The following FBN2 variants were observed in gnomAD, a reference collection of about 807,000 sequenced individuals.
FBN2 encodes the protein fibrillin 2.
FBN2 carries 105 observed loss-of-function variants against 355.6 expected under a neutral mutation model. That is an observed-to-expected ratio of 0.30 (90% CI 0.25 to 0.35). The LOEUF is 0.35. FBN2 is among the 10% of genes least tolerant of loss of function. The pLI, the probability that FBN2 is intolerant of heterozygous loss-of-function variation, is 1.00. For synonymous variants in FBN2, 1,350 were observed against 1,301.2 expected (o/e 1.04, Z -0.81); for missense variants, 3,280 against 3,758.7 (o/e 0.87, Z 3.33).
rs759357906 is a variant in FBN2 at position 128,286,805 on chromosome 5, C to T, written c.6925G>A (p.Gly2309Ser). 6.2e-7 allele frequency: 1 copy of T among 1,614,006 alleles called. No homozygotes were observed. The highest frequency in any genetic ancestry group is 8.5e-7 in the Non-Finnish European group (1 of 1,179,862). ...CCGATTAGATTCTTACACATCATGCCCCTAGATTCACAGTCGTGTAACCCT... is the reference window on the plus strand; with the variant it reads ...CCGATTAGATTCTTACACATCATGCTCCTAGATTCACAGTCGTGTAACCCT... ...AEGLHDCESR[G>S]MMCKNLIGTF... is the part of the protein sequence containing the mutation. The change falls in exon 55 of 65, where the codon GGC becomes AGC. Residue 2309 changes from glycine (G) to serine (S), a missense_variant. Gly to Ser is a moderately conservative substitution (Grantham distance 56). Coordinates refer to ENST00000262464, the MANE Select transcript of FBN2 (RefSeq NM_001999.4).
At chr5:128,436,664 C>G (rs1753774293) in intron 7 of FBN2, among the ~76,000 whole-genome samples, 1 of 137,014 alleles carries the variant, frequency 7.3e-6, no homozygotes, top group Non-Finnish European at 1.6e-5. Context: ...AGTGGCTCCA[C>G]TTAAAAAAAA....
intron 5 of FBN2, among the ~76,000 whole-genome samples, chr5:128,475,674 C>T (rs147313143): frequency 7.0e-4 from 106 of 152,034 alleles, no homozygotes; most frequent in African/African-American, 2.2e-3. Flanking sequence ...ATATACTCAA[C>T]GAAAAAGCTT....
At chr5:128,536,226 A>G (rs1756841861) in intron 2 of FBN2, among the ~76,000 whole-genome samples, 176 bp downstream of exon 2, 1 of 152,166 alleles carries the variant, frequency 6.6e-6, no homozygotes, top group African/African-American at 2.4e-5. Flanking sequence ...GTCTGAACTG[A>G]CTCAAACCGG....
intron 8 of FBN2, among the ~76,000 whole-genome samples, chr5:128,408,377 A>G (rs191096098): frequency 2.3e-3 from 354 of 152,346 alleles, no homozygotes; most frequent in Non-Finnish European, 3.8e-3. Flanking sequence ...AGAAGCTTTA[A>G]TTACTACATT....
intron 58 of FBN2, among the ~76,000 whole-genome samples, chr5:128,277,042 G>A (rs1187607387): frequency 6.6e-6 from 1 of 152,156 alleles, no homozygotes; most frequent in Non-Finnish European, 1.5e-5. Flanking sequence ...AATGCTGAAT[G>A]CTTATGATTA....
At chr5:128,462,262 G>T (rs562067824) in intron 6 of FBN2, among the ~76,000 whole-genome samples, 9 of 151,746 alleles carry the variant, frequency 5.9e-5, no homozygotes, top group Admixed American at 2.0e-4. Context: ...AAAGATCACT[G>T]TTTTTTTAAT....
chr5:128,321,508 G>A (rs1375224447), intron 34 of FBN2, among the ~76,000 whole-genome samples: 2 of 152,066 alleles, frequency 1.3e-5, no homozygotes, highest in Non-Finnish European at 1.5e-5. Flanking sequence ...TGTTCTCACT[G>A]TTCAACTCCC....
At chr5:128,528,058 C>T in intron 3 of FBN2, 91 bp from the exon 4 acceptor site, 1 of 802,780 alleles carries the variant, frequency 1.2e-6, no homozygotes, top group South Asian at 1.4e-5. Flanking sequence ...CTCAATTATC[C>T]AATTCAATGA....
At chr5:128,494,653 C>T (rs1171842605) in intron 5 of FBN2, among the ~76,000 whole-genome samples, 1 of 152,204 alleles carries the variant, frequency 6.6e-6, no homozygotes, top group Admixed American at 6.5e-5. Context: ...AAAGAGAGCA[C>T]TGTTAAAACC....
chr5:128,535,701 T>G (rs1278825673), intron 2 of FBN2, among the ~76,000 whole-genome samples: 1 of 152,090 alleles, frequency 6.6e-6, no homozygotes, highest in African/African-American at 2.4e-5. Flanking sequence ...TAATCAAAAC[T>G]TTTAAGGTCA....
chr5:128,512,152 T>C (rs1756147092), intron 5 of FBN2, among the ~76,000 whole-genome samples: 1 of 152,174 alleles, frequency 6.6e-6, no homozygotes, highest in Non-Finnish European at 1.5e-5. Flanking sequence ...CTTACGCTGT[T>C]CACAACTGAT....
intron 5 of FBN2, among the ~76,000 whole-genome samples, chr5:128,480,667 G>A (rs1156764762): frequency 6.6e-6 from 1 of 152,076 alleles, no homozygotes. Context: ...CCAAGATTGC[G>A]CCATTGCAGT....
rs762567430 is a variant in FBN2, at chr5:128,334,838, T to C, written c.3980A>G (p.Asn1327Ser). 34 of 1,611,838 alleles carry C rather than the reference T, an allele frequency of 2.1e-5. No individual in the cohort carries two copies. Among genetic ancestry groups the C allele is most frequent in the Non-Finnish European group, 2.6e-5 (31 of 1,177,968 alleles). ...GATATTTGAATTTAGGTCACATTCATTGACATCTAGAAAATTTATTTTCAA... is the reference window on the plus strand; with the variant it reads ...GATATTTGAATTTAGGTCACATTCACTGACATCTAGAAAATTTATTTTCAA... Reference protein sequence around the residue: ...SMDMKTCIDVNECDLNSNICM... With the variant: ...SMDMKTCIDVSECDLNSNICM... Residue 1327 changes from asparagine (N) to serine (S), a missense_variant, in exon 31 of 65, where the codon AAT becomes AGT. Coordinates refer to ENST00000262464, the MANE Select transcript of FBN2 (RefSeq NM_001999.4).
intron 8 of FBN2, among the ~76,000 whole-genome samples, chr5:128,402,980 ACTT>A (rs1752834635): frequency 6.6e-6 from 1 of 152,122 alleles, no homozygotes; most frequent in Non-Finnish European, 1.5e-5. Flanking sequence ...TGTAAGGAAA[ACTT>A]CTCCTTCTAA....
intron 4 of FBN2, among the ~76,000 whole-genome samples, chr5:128,519,801 G>A (rs916985436): frequency 2.6e-5 from 4 of 151,484 alleles, no homozygotes; most frequent in Admixed American, 6.6e-5. Flanking sequence ...CAGGGAAGGA[G>A]TAGGAGGAGA....
At chr5:128,272,284 G>C (rs766786793) in intron 61 of FBN2, among the ~76,000 whole-genome samples, 166 bp from the exon 62 acceptor site, 1 of 152,010 alleles carries the variant, frequency 6.6e-6, no homozygotes, top group Non-Finnish European at 1.5e-5. Context: ...TTATTAGTCA[G>C]TGGTGGTGCA....
intron 62 of FBN2, among the ~76,000 whole-genome samples, chr5:128,267,704 C>A (rs184357764): frequency 1.1e-3 from 161 of 152,176 alleles, no homozygotes; most frequent in Admixed American, 2.9e-3. Flanking sequence ...AAGTTCCTTG[C>A]AGATTCTGGA....
intron 7 of FBN2, among the ~76,000 whole-genome samples, chr5:128,425,767 A>T (rs1025659645): frequency 6.6e-6 from 1 of 152,176 alleles, no homozygotes; most frequent in Non-Finnish European, 1.5e-5. Flanking sequence ...TAATATCATA[A>T]AAAGAAAGAA....
At chr5:128,508,949 C>T (rs1756039032) in intron 5 of FBN2, among the ~76,000 whole-genome samples, 1 of 151,990 alleles carries the variant, frequency 6.6e-6, no homozygotes, top group Admixed American at 6.6e-5. Flanking sequence ...CTGTTTTGGA[C>T]AAATAATTTG....
Sources: gnomAD v4.1 joint callset for allele counts (sites outside exome capture counted in the v4.1 genomes callset) on GRCh38, gnomAD v4.1.1 for gene constraint, MANE v1.5 for transcripts, NCBI Gene and HGNC (gene_info 2026-07-23, HGNC 2026-07-21) for gene names.